Variants in CSMD1 observed in about 807,000 individuals in gnomAD.
The protein encoded by CSMD1 is CUB and sushi domain-containing protein 1.
CSMD1 carries 213 observed loss-of-function variants against 417.5 expected under a neutral mutation model. The observed-to-expected ratio is 0.51, with a 90% confidence interval of 0.46 to 0.57. CSMD1 has a LOEUF of 0.57. CSMD1 is among the 20% of genes least tolerant of loss of function. The pLI is 0.00. For missense variants in CSMD1, 6,923 were observed against 4,529.7 expected, an observed-to-expected ratio of 1.53 and a Z score of -15.17; for synonymous variants, 2,862 against 1,736.8, an observed-to-expected ratio of 1.65 and a Z score of -16.11.
intron 3 of CSMD1, among the ~76,000 whole-genome samples, chr8:4,407,138 C>T (rs1159967721): frequency 6.6e-6 from 1 of 152,152 alleles, no homozygotes; most frequent in Non-Finnish European, 1.5e-5. Flanking sequence ...ACCAGATGAG[C>T]TGCAAAGCCA....
intron 23 of CSMD1, among the ~76,000 whole-genome samples, chr8:3,323,589 TA>T (rs1347421120): frequency 6.6e-6 from 1 of 152,300 alleles, no homozygotes; most frequent in South Asian, 2.1e-4. Flanking sequence ...TTTGATTTTT[TA>T]AAAAAATTTT....
rs181484594 is a variant in CSMD1, at chr8:4,307,125, G to C, written c.415+112828C>G. On this transcript the variant is annotated intron_variant, in intron 3 of 69. Coordinates refer to ENST00000635120, the MANE Select transcript of CSMD1 (RefSeq NM_033225.6). ...TCTCTACAAGGCCGGCTGCCTCCTT[G>C]TCTCTGTACTGAGTTCCCATTTCTA... 2.6e-5 allele frequency among the ~76,000 whole-genome samples: 4 copies of C among 152,202 alleles called. No homozygotes were observed. In the East Asian group the frequency reaches 7.7e-4, roughly 29 times the overall value.
chr8:3,191,763 C>T (rs1796438974), intron 33 of CSMD1, among the ~76,000 whole-genome samples: 1 of 152,192 alleles, frequency 6.6e-6, no homozygotes, highest in Non-Finnish European at 1.5e-5. Context: ...AGGTCCATCA[C>T]ACTAGGCAAA....
At chr8:3,487,939 C>T (rs1818151491) in intron 11 of CSMD1, among the ~76,000 whole-genome samples, 1 of 151,918 alleles carries the variant, frequency 6.6e-6, no homozygotes, top group African/African-American at 2.4e-5. Context: ...TTGTTTGCAT[C>T]CCATTAGAGA....
intron 5 of CSMD1, among the ~76,000 whole-genome samples, chr8:3,986,876 T>C (rs1814366625): frequency 6.6e-6 from 1 of 152,054 alleles, no homozygotes; most frequent in South Asian, 2.1e-4. Context: ...TGCTTCAGCC[T>C]CCCAAGTAGC....
intron 3 of CSMD1, among the ~76,000 whole-genome samples, chr8:4,071,799 T>A (rs151081118): frequency 6.6e-6 from 1 of 152,182 alleles, no homozygotes; most frequent in African/African-American, 2.4e-5. Context: ...ATTAAGTTAG[T>A]TGCATTCAAA....
chr8:4,149,126 G>A (rs1339123104), intron 3 of CSMD1, among the ~76,000 whole-genome samples: 6 of 152,002 alleles, frequency 3.9e-5, no homozygotes, highest in African/African-American at 7.3e-5. Flanking sequence ...ACCACACCCA[G>A]CTAATTTTTC....
At position 3,761,842 on chromosome 8, in the gene CSMD1, G is replaced by A. The variant is rs535321665; in HGVS notation, c.819-7800C>T. On this transcript the variant is annotated intron_variant, in intron 5 of 69. Coordinates refer to ENST00000635120, the MANE Select transcript of CSMD1 (RefSeq NM_033225.6). ...TTTCTACAAGTCATTTCTTCCACCCGGAGCGGCACTCATGATTGTCTCTGG... is the reference window on the plus strand; with the variant it reads ...TTTCTACAAGTCATTTCTTCCACCCAGAGCGGCACTCATGATTGTCTCTGG... Among the ~76,000 whole-genome samples the A allele has an allele frequency of 1.6e-4, 25 of 151,974 alleles. No individual in the cohort carries two copies. In the South Asian group the frequency reaches 4.2e-3, roughly 25 times the overall value.
chr8:3,899,906 C>G (rs888593510), intron 5 of CSMD1, among the ~76,000 whole-genome samples: 1 of 152,214 alleles, frequency 6.6e-6, no homozygotes, highest in Non-Finnish European at 1.5e-5. Context: ...TTGCTTAAAA[C>G]ATGTCTTTAA....
intron 10 of CSMD1, among the ~76,000 whole-genome samples, chr8:3,549,882 A>G (rs1297058939): frequency 6.6e-6 from 1 of 152,250 alleles, no homozygotes; most frequent in African/African-American, 2.4e-5. Flanking sequence ...CTCCAAGTGT[A>G]ACAAATGTAA....
chr8:3,504,043 G>A (rs7009256), intron 10 of CSMD1, among the ~76,000 whole-genome samples: 30,478 of 151,982 alleles, frequency 0.2, 3,439 homozygotes, highest in African/African-American at 0.3. Context: ...CAGGGTGACT[G>A]TCATGAACAA....
At chr8:4,236,026 GTTTTTTTTGTTTGTTTTTTTTTTTTTTTT>G (rs1461921978) in intron 3 of CSMD1, among the ~76,000 whole-genome samples, 1 of 108,086 alleles carries the variant, frequency 9.3e-6, no homozygotes, top group African/African-American at 4.2e-5. Flanking sequence ...AATGGATATT[GTTTTTTTTGTTTGTTTTTTTTTTTTTTTT>G]TTTTTTTTTT....
chr8:3,385,251 G>A (rs1433278903), intron 18 of CSMD1, among the ~76,000 whole-genome samples: 2 of 148,318 alleles, frequency 1.3e-5, no homozygotes, highest in African/African-American at 2.5e-5. Flanking sequence ...GCATATGTAT[G>A]TATACATGTG....
At chr8:4,263,062 G>C (rs1158050927) in intron 3 of CSMD1, among the ~76,000 whole-genome samples, 1 of 152,108 alleles carries the variant, frequency 6.6e-6, no homozygotes, top group Non-Finnish European at 1.5e-5. Flanking sequence ...TTCTCTATGA[G>C]AACACTTTTA....
At chr8:3,945,085 G>C (rs570051321) in intron 5 of CSMD1, among the ~76,000 whole-genome samples, 1 of 148,870 alleles carries the variant, frequency 6.7e-6, no homozygotes, top group Admixed American at 6.9e-5. Flanking sequence ...AAGACAATGT[G>C]AACAGGCTGA....
chr8:4,137,292 A>G (rs1803498526), intron 3 of CSMD1, among the ~76,000 whole-genome samples: 2 of 152,216 alleles, frequency 1.3e-5, no homozygotes, highest in South Asian at 2.1e-4. Flanking sequence ...AATTTTAATC[A>G]AAATAGGACG....
At chr8:4,832,971 C>G (rs895829723) in intron 1 of CSMD1, among the ~76,000 whole-genome samples, 1 of 152,134 alleles carries the variant, frequency 6.6e-6, no homozygotes, top group African/African-American at 2.4e-5. Context: ...AAATTCCTGG[C>G]CTGCCCTGGG....
intron 18 of CSMD1, among the ~76,000 whole-genome samples, chr8:3,381,560 G>A (rs1013455242): frequency 6.6e-6 from 1 of 151,920 alleles, no homozygotes; most frequent in Non-Finnish European, 1.5e-5. Flanking sequence ...TTTTAATATA[G>A]AACCCAAAAA....
chr8:3,728,224 C>G (rs1802610495), intron 6 of CSMD1, among the ~76,000 whole-genome samples: 3 of 152,160 alleles, frequency 2.0e-5, no homozygotes, highest in Admixed American at 6.5e-5. Flanking sequence ...GATGGTTTTA[C>G]AAAGGGAAAC....
Sources: gnomAD v4.1 joint callset for allele counts (sites outside exome capture counted in the v4.1 genomes callset) on GRCh38, gnomAD v4.1.1 for gene constraint, MANE v1.5 for transcripts, NCBI Gene and HGNC (gene_info 2026-07-23, HGNC 2026-07-21) for gene names.